The following CWC25 variants were observed in gnomAD, a reference collection of about 807,000 sequenced individuals.
The protein encoded by CWC25 is CWC25 spliceosome associated protein.
In CWC25, 31 loss-of-function variants were observed where a neutral mutation model predicts 54.6. That is an observed-to-expected ratio of 0.57 (90% CI 0.43 to 0.77). The LOEUF (loss-of-function observed/expected upper bound fraction) is 0.77. Among genes scored for constraint, CWC25 ranks in the 30% least tolerant of loss-of-function variants. CWC25 has a pLI of 0.00. For synonymous variants in CWC25, 151 were observed against 187.0 expected (o/e 0.81, Z 1.57); for missense variants, 453 against 529.3 (o/e 0.86, Z 1.41).
At chr17:38,802,231 C>T in intron 9 of CWC25, 25 bp from the exon 10 acceptor site, 2 of 1,513,818 alleles carry the variant, frequency 1.3e-6, no homozygotes, top group Admixed American at 3.5e-5. Context: ...CAGGCAAATG[C>T]AAGTCAAAAA....
intron 4 of CWC25, 54 bp downstream of exon 4, chr17:38,812,741 C>T (rs953181282): frequency 2.9e-6 from 3 of 1,049,718 alleles, no homozygotes; most frequent in Non-Finnish European, 4.3e-6. Flanking sequence ...GAGAGACGTT[C>T]TCACGTTATA....
intron 4 of CWC25, among the ~76,000 whole-genome samples, chr17:38,812,493 G>A (rs1203772104): frequency 3.9e-5 from 6 of 152,090 alleles, no homozygotes; most frequent in Non-Finnish European, 8.8e-5. Context: ...CGGGCGTGGT[G>A]GCACATCCCT....
At position 38,825,311 on chromosome 17, in the gene CWC25, A is replaced by G; in HGVS notation, c.-128T>C. ...CCAGGAGCCGTCAACTGCCAGTTTC[A>G]CCACCGCTCTAGAGGTCACTTCCGG... On this transcript the variant is annotated 5_prime_UTR_variant, in exon 1 of 10. Transcript: ENST00000614790. The G allele has an allele frequency of 1.0e-6, 1 of 978,398 alleles. No homozygotes were observed. The highest frequency in any genetic ancestry group is 2.2e-4 in the Middle Eastern group (1 of 4,528). 60.6% of individuals were successfully genotyped at this position (978,398 alleles called of 1,614,324 possible). A position where few individuals can be genotyped will look rare whatever the true frequency, so the allele number is the denominator to read the frequency against.
chr17:38,822,159 G>A (rs2143607847), intron 1 of CWC25, among the ~76,000 whole-genome samples: 1 of 151,996 alleles, frequency 6.6e-6, no homozygotes, highest in Non-Finnish European at 1.5e-5. Flanking sequence ...TGCCTCCTGG[G>A]TTCAAATGAT....
rs1309330549 is a variant in CWC25 at position 38,815,059 on chromosome 17, G to C, written c.230C>G (p.Pro77Arg). 5 of 1,613,926 alleles carry C rather than the reference G, an allele frequency of 3.1e-6. No homozygotes were observed. The highest frequency in any genetic ancestry group is 3.4e-6 in the Non-Finnish European group (4 of 1,179,878). ...CTCGTCACGGTTCACCATCCCACCA[G>C]GACCCTGGTACATCCAGTCCAACTT... ...EEKLDWMYQG[P>R]GGMVNRDEYL... Residue 77 changes from proline to arginine, a missense_variant, in exon 3 of 10, where the codon CCT becomes CGT. Physicochemically the swap from Pro to Arg is moderately radical, Grantham distance 103 (BLOSUM62 -2). Around this residue, in one of 2 missense-constraint regions of CWC25, gnomAD observed 444 missense variants for 499.2 expected, o/e 0.89. Transcript: ENST00000614790.
At chr17:38,805,958 A>T (rs1567669900) in intron 8 of CWC25, among the ~76,000 whole-genome samples, 2 of 152,092 alleles carry the variant, frequency 1.3e-5, no homozygotes, top group African/African-American at 4.8e-5. Flanking sequence ...GATTACAGGC[A>T]TGTGCCACCA....
At chr17:38,815,119 A>T (rs753917951) in intron 2 of CWC25, 22 bp from the exon 3 acceptor site, 1 of 1,597,968 alleles carries the variant, frequency 6.3e-7, no homozygotes, top group Non-Finnish European at 8.5e-7. Context: ...GAAGAAAAAG[A>T]AATACAATTT....
chr17:38,814,162 T>C (rs1911603428), intron 3 of CWC25, among the ~76,000 whole-genome samples: 1 of 151,934 alleles, frequency 6.6e-6, no homozygotes, highest in African/African-American at 2.4e-5. Flanking sequence ...CTTCCAGCCG[T>C]GAGTTGTTTT....
intron 8 of CWC25, 57 bp downstream of exon 8, chr17:38,806,240 G>A: frequency 7.1e-7 from 1 of 1,411,158 alleles, no homozygotes; most frequent in Non-Finnish European, 9.9e-7. Flanking sequence ...CATGGTTTGA[G>A]CCCCTTCTAG....
At chr17:38,820,301 T>G (rs1473141289) in intron 2 of CWC25, among the ~76,000 whole-genome samples, 1 of 152,206 alleles carries the variant, frequency 6.6e-6, no homozygotes, top group Non-Finnish European at 1.5e-5. Flanking sequence ...TGCTTTTTAT[T>G]TTCTCAAACA....
rs3834562 is a variant in CWC25 at position 38,801,613 on chromosome 17, CT to C, written c.*478del. ...TTGTTTGATTTTCCAGATTCTGTCA[CT>C]CCCTTGGCTTTGACCTAACCTGACA... On this transcript the variant is annotated 3_prime_UTR_variant, in exon 10 of 10. Transcript: ENST00000614790. 10,294 of 152,888 alleles carry C rather than the reference CT, an allele frequency of 0.067. 729 individuals are homozygous for C. Among genetic ancestry groups the C allele is most frequent in the East Asian group, 0.38 (1,959 of 5,168 alleles). The allele number at this position is 152,888 out of a possible 1,614,324, so 9.5% of individuals were successfully genotyped here.
chr17:38,814,745 CAAAAAAAAA>C (rs71138658), intron 3 of CWC25, 107 bp downstream of exon 3: 5 of 462,340 alleles, frequency 1.1e-5, no homozygotes, highest in South Asian at 2.6e-5. Flanking sequence ...GACTCCGTCT[CAAAAAAAAA>C]AAAAAAAAAA....
At chr17:38,812,995 G>A (rs1267942261) in intron 3 of CWC25, 131 bp from the exon 4 acceptor site, 7 of 606,914 alleles carry the variant, frequency 1.2e-5, no homozygotes, top group African/African-American at 3.7e-5. Flanking sequence ...GTGTGGTGGT[G>A]TGCACCTGTA....
At chr17:38,818,689 G>A (rs1911804099) in intron 2 of CWC25, among the ~76,000 whole-genome samples, 1 of 151,686 alleles carries the variant, frequency 6.6e-6, no homozygotes, top group Non-Finnish European at 1.5e-5. Flanking sequence ...AAGAGAAGGG[G>A]CAGAGAGAAC....
chr17:38,817,451 G>T (rs1166148847), intron 2 of CWC25, among the ~76,000 whole-genome samples: 2 of 151,874 alleles, frequency 1.3e-5, no homozygotes, highest in Non-Finnish European at 2.9e-5. Flanking sequence ...AGGAATTCAA[G>T]ACCAGCCTGG....
rs866885778 is a variant in CWC25, at chr17:38,825,294, C to G, written c.-111G>C. On this transcript the variant is annotated 5_prime_UTR_variant, in exon 1 of 10. Coordinates refer to ENST00000614790, the MANE Select transcript of CWC25 (RefSeq NM_017748.5). ...CCTCGCGGGATCTAGTCCCAGGAGC[C>G]GTCAACTGCCAGTTTCACCACCGCT... The G allele has an allele frequency of 3.1e-5, 36 of 1,156,378 alleles. No homozygotes were observed. Among genetic ancestry groups the G allele is most frequent in the Middle Eastern group, 4.0e-4 (2 of 4,966 alleles). The allele number at this position is 1,156,378 out of a possible 1,614,324, so 71.6% of individuals were successfully genotyped here. A position where few individuals can be genotyped will look rare whatever the true frequency, so the allele number is the denominator to read the frequency against.
intron 4 of CWC25, 68 bp from the exon 5 acceptor site, chr17:38,810,663 T>A: frequency 1.3e-6 from 1 of 798,116 alleles, no homozygotes; most frequent in Non-Finnish European, 2.1e-6. Context: ...CTCATGCCTG[T>A]AATCCCAGCA....
chr17:38,817,914 G>A (rs539686515), intron 2 of CWC25, among the ~76,000 whole-genome samples: 16 of 150,514 alleles, frequency 1.1e-4, no homozygotes, highest in African/African-American at 3.2e-4. Context: ...TGCAGTGAGC[G>A]GAGATTGTGC....
intron 6 of CWC25, among the ~76,000 whole-genome samples, chr17:38,807,476 G>C (rs1444055612): frequency 7.1e-6 from 1 of 141,358 alleles, no homozygotes; most frequent in Non-Finnish European, 1.6e-5. Context: ...CCTTCGGTCA[G>C]CCAGGTGCAG....
Sources: allele counts gnomAD v4.1 joint callset (sites outside exome capture counted in the v4.1 genomes callset), GRCh38; gene constraint gnomAD v4.1.1; regional missense constraint gnomAD v4.1.1; transcripts MANE v1.5; gene names NCBI Gene and HGNC (gene_info 2026-07-23, HGNC 2026-07-21).